DPP10: variants seen among roughly 807,000 people sequenced by gnomAD.
DPP10 encodes inactive dipeptidyl peptidase 10.
Under a neutral mutation model 120.9 loss-of-function variants are expected in DPP10, and 33 were observed. The observed-to-expected ratio is 0.27, with a 90% CI of 0.21 to 0.37. The LOEUF (loss-of-function observed/expected upper bound fraction) is 0.37. Ranked by LOEUF, DPP10 falls within the 10% of genes least tolerant of loss-of-function variation. The pLI is 1.00. For synonymous variants in DPP10, 337 were observed against 326.1 expected, an observed-to-expected ratio of 1.03 and a Z score of -0.36; for missense variants, 816 against 942.8, an observed-to-expected ratio of 0.87 and a Z score of 1.76.
intron 1 of DPP10, among the ~76,000 whole-genome samples, chr2:115,068,871 A>G (rs926564528): frequency 6.6e-6 from 1 of 152,150 alleles, no homozygotes; most frequent in African/African-American, 2.4e-5. Flanking sequence ...TCTGTTGACA[A>G]TAAATGTGTG....
chr2:115,407,113 G>A (rs2068568487), intron 3 of DPP10, among the ~76,000 whole-genome samples: 1 of 152,188 alleles, frequency 6.6e-6, no homozygotes, highest in South Asian at 2.1e-4. Flanking sequence ...AGGAACAGAA[G>A]AGGCCAGGCT....
chr2:114,716,588 G>A (rs1428470707), intron 1 of DPP10, among the ~76,000 whole-genome samples: 1 of 152,182 alleles, frequency 6.6e-6, no homozygotes, highest in African/African-American at 2.4e-5. Context: ...TAATTGGGCA[G>A]TCCTTCTTTG....
rs1018463282 is a variant in DPP10 at position 115,673,983 on chromosome 2, G to A, written c.442-15704G>A. Among the ~76,000 whole-genome samples the A allele has an allele frequency of 5.3e-5, 8 of 152,204 alleles. No individual in the cohort carries two copies. The East Asian group carries it at 5.8e-4, about 11-fold the overall frequency. On this transcript the variant is annotated intron_variant, in intron 5 of 25. Transcript: ENST00000410059. ...TCCCAGCACTTTGGGAGACCAAGGC[G>A]GGTGGATCACCTGAGGTCAGGAGTT... is the stretch of plus-strand genomic sequence containing the variant.
intron 3 of DPP10, among the ~76,000 whole-genome samples, chr2:115,474,057 G>T (rs1188086157): frequency 6.6e-6 from 1 of 152,142 alleles, no homozygotes; most frequent in Non-Finnish European, 1.5e-5. Context: ...CTTTAACTCA[G>T]GAATGACTCA....
At chr2:115,061,922 T>C (rs892319195) in intron 1 of DPP10, among the ~76,000 whole-genome samples, 9 of 152,184 alleles carry the variant, frequency 5.9e-5, no homozygotes, top group African/African-American at 2.2e-4. Context: ...TTATTTAGAA[T>C]ATTAAAATTT....
Position 115,843,940 on chromosome 2 carries a change from T to C in DPP10, c.*1595T>C, listed in dbSNP as rs1240944222. On this transcript the variant is annotated 3_prime_UTR_variant, in exon 26 of 26. Coordinates refer to ENST00000410059, the MANE Select transcript of DPP10 (RefSeq NM_020868.6). ...ATATCAAGGAATCACTCAGTCACCC[T>C]CCTGTTTTGTTGAAGGATCAACCCC... 6.6e-6 allele frequency: 1 copy of C among 152,544 alleles called. No homozygotes were observed. Among genetic ancestry groups the C allele is most frequent in the Non-Finnish European group, 1.5e-5 (1 of 67,990 alleles). 9.4% of individuals were successfully genotyped at this position (152,544 alleles called of 1,614,324 possible).
chr2:115,027,269 G>A (rs962215971), intron 1 of DPP10, among the ~76,000 whole-genome samples: 1 of 152,070 alleles, frequency 6.6e-6, no homozygotes, highest in African/African-American at 2.4e-5. Context: ...ATAAGATTAA[G>A]TCATCTGCGC....
At chr2:114,443,100 G>T (rs1393976255) in intron 1 of DPP10, among the ~76,000 whole-genome samples, 1 of 151,600 alleles carries the variant, frequency 6.6e-6, no homozygotes, top group East Asian at 1.9e-4. Flanking sequence ...CCAGAAGAAA[G>T]TTTTGTGAGT....
At chr2:115,216,391 G>GGA (rs2056821087) in intron 1 of DPP10, among the ~76,000 whole-genome samples, 1 of 152,146 alleles carries the variant, frequency 6.6e-6, no homozygotes, top group Non-Finnish European at 1.5e-5. Flanking sequence ...CAAGGTCTCT[G>GGA]GAGAGATAAT....
At chr2:115,640,771 G>T (rs1344667156) in intron 5 of DPP10, among the ~76,000 whole-genome samples, 3 of 152,122 alleles carry the variant, frequency 2.0e-5, no homozygotes, top group Non-Finnish European at 4.4e-5. Context: ...ATTAGAGCTG[G>T]CCTGGATGGT....
intron 1 of DPP10, among the ~76,000 whole-genome samples, chr2:115,292,444 A>C (rs1197675278): frequency 1.3e-5 from 2 of 152,136 alleles, no homozygotes; most frequent in African/African-American, 4.8e-5. Context: ...TCTTTAAAAC[A>C]TGCCACATAA....
intron 1 of DPP10, among the ~76,000 whole-genome samples, chr2:115,235,902 T>C (rs766142449): frequency 2.0e-5 from 3 of 152,178 alleles, no homozygotes; most frequent in Non-Finnish European, 4.4e-5. Flanking sequence ...AAGTACACGA[T>C]GGAGGATGTC....
chr2:114,830,957 T>C (rs1408567629), intron 1 of DPP10, among the ~76,000 whole-genome samples: 1 of 148,576 alleles, frequency 6.7e-6, no homozygotes, highest in Non-Finnish European at 1.5e-5. Flanking sequence ...TTTGGCACAC[T>C]GCATAGCTTT....
intron 3 of DPP10, chr2:115,468,768 C>A: frequency 2.3e-6 from 1 of 433,890 alleles, no homozygotes. Context: ...GAGTTTGCTG[C>A]TACTCAGGCT....
At chr2:114,827,003 C>T (rs1489492722) in intron 1 of DPP10, among the ~76,000 whole-genome samples, 1 of 152,064 alleles carries the variant, frequency 6.6e-6, no homozygotes, top group African/African-American at 2.4e-5. Flanking sequence ...GGAAGCACAT[C>T]TGTCACATGA....
rs56077672 is a variant in DPP10 at position 115,221,754 on chromosome 2, G to GTTTTTTTTTT, written c.61-87469_61-87460dup. Among the ~76,000 whole-genome samples, 98 of 120,142 alleles carry GTTTTTTTTTT rather than the reference G, an allele frequency of 8.2e-4. 2 individuals are homozygous for GTTTTTTTTTT. Among genetic ancestry groups the GTTTTTTTTTT allele is most frequent in the African/African-American group, 2.1e-3 (63 of 30,312 alleles). 78.8% of individuals were successfully genotyped at this position (120,142 alleles called of 152,430 possible). On this transcript the variant is annotated intron_variant, in intron 1 of 25. Transcript: ENST00000410059. ...CTTTGAGGCTTTCATGTTTGTTTCT[G>GTTTTTTTTTT]TTTTTTTTTTTTTTTTTTTTTTTTT...
intron 1 of DPP10, among the ~76,000 whole-genome samples, chr2:114,596,312 G>A (rs1036023): frequency 2.3e-4 from 25 of 110,392 alleles, no homozygotes; most frequent in East Asian, 1.3e-3. Flanking sequence ...AAGACCTCTC[G>A]TCCCTATATA....
intron 19 of DPP10, among the ~76,000 whole-genome samples, chr2:115,794,167 G>A (rs1257311164): frequency 6.6e-6 from 1 of 152,166 alleles, no homozygotes; most frequent in African/African-American, 2.4e-5. Flanking sequence ...GTCATTCAGT[G>A]ATTTTGGTGT....
intron 1 of DPP10, among the ~76,000 whole-genome samples, chr2:115,057,652 CA>C (rs1283607299): frequency 2.0e-5 from 3 of 152,118 alleles, no homozygotes; most frequent in Admixed American, 6.5e-5. Context: ...AGCAAAAACA[CA>C]AAGCAGCAAG....
Sources: gnomAD v4.1 joint callset for allele counts (sites outside exome capture counted in the v4.1 genomes callset) on GRCh38, gnomAD v4.1.1 for gene constraint, MANE v1.5 for transcripts, NCBI Gene and HGNC (gene_info 2026-07-23, HGNC 2026-07-21) for gene names.